The following TMEM132C variants were observed in gnomAD, a reference collection of about 807,000 sequenced individuals.
TMEM132C encodes the protein transmembrane protein 132C, also known as protein phosphatase 1, regulatory subunit 152.
TMEM132C carries 29 observed loss-of-function variants against 61.4 expected under a neutral mutation model. The observed-to-expected ratio is 0.47, with a 90% CI of 0.35 to 0.64. TMEM132C has a LOEUF of 0.64. TMEM132C is among the 30% of genes least tolerant of loss of function. TMEM132C has a pLI of 0.00. For missense variants in TMEM132C, 1,408 were observed against 1,476.9 expected (o/e 0.95, Z 0.76); for synonymous variants, 656 against 633.1 (o/e 1.04, Z -0.54).
chr12:128,451,198 A>G (rs1038744080), intron 2 of TMEM132C, among the ~76,000 whole-genome samples: 12 of 152,358 alleles, frequency 7.9e-5, no homozygotes. Context: ...GAAAAAAAAT[A>G]CAAAAATAAA....
At chr12:128,320,452 A>G (rs535540479) in intron 1 of TMEM132C, among the ~76,000 whole-genome samples, 44 of 152,266 alleles carry the variant, frequency 2.9e-4, no homozygotes, top group African/African-American at 9.9e-4. Flanking sequence ...TTTAAAGTCT[A>G]GTTGACAATA....
chr12:128,665,318 CA>C (rs1467431070), intron 4 of TMEM132C, among the ~76,000 whole-genome samples: 1 of 149,608 alleles, frequency 6.7e-6, no homozygotes, highest in African/African-American at 2.5e-5. Flanking sequence ...CAGGCACACA[CA>C]CACAAATAGG....
intron 5 of TMEM132C, among the ~76,000 whole-genome samples, chr12:128,675,009 A>G (rs1954569883): frequency 6.6e-6 from 1 of 151,736 alleles, no homozygotes; most frequent in African/African-American, 2.4e-5. Flanking sequence ...ACAGTACCCA[A>G]TGTGTAAATG....
At chr12:128,639,165 G>T (rs372952707) in intron 4 of TMEM132C, among the ~76,000 whole-genome samples, 1 of 114,814 alleles carries the variant, frequency 8.7e-6, no homozygotes, top group Admixed American at 8.1e-5. Context: ...GGTGATGGTG[G>T]TGATGGTGAT....
Position 128,459,627 on chromosome 12 carries a change from C to T in TMEM132C, c.974+44007C>T, listed in dbSNP as rs144983909. ...CTCTCTTGGGCCAGGCGCGGTGGCT[C>T]ACACCTGTAATCCCAGCACTTTAGG... On this transcript the variant is annotated intron_variant, in intron 2 of 8. Coordinates refer to ENST00000435159, the MANE Select transcript of TMEM132C (RefSeq NM_001136103.3). Among the ~76,000 whole-genome samples, 667 of 152,114 alleles carry T rather than the reference C, an allele frequency of 4.4e-3. 7 individuals are homozygous for T. The highest frequency in any genetic ancestry group is 0.015 in the African/African-American group (614 of 41,494).
intron 5 of TMEM132C, among the ~76,000 whole-genome samples, chr12:128,682,373 C>T (rs1025657808): frequency 6.6e-6 from 1 of 152,196 alleles, no homozygotes; most frequent in Non-Finnish European, 1.5e-5. Context: ...AGGGGAATAG[C>T]CCATGTCAGC....
At chr12:128,310,501 G>A (rs1206753366) in intron 1 of TMEM132C, among the ~76,000 whole-genome samples, 3 of 151,950 alleles carry the variant, frequency 2.0e-5, no homozygotes, top group African/African-American at 7.3e-5. Context: ...GGGTGGGGGG[G>A]TTTGCCACAC....
At chr12:128,496,946 TC>T (rs1871982716) in intron 2 of TMEM132C, among the ~76,000 whole-genome samples, 1 of 152,354 alleles carries the variant, frequency 6.6e-6, no homozygotes, top group South Asian at 2.1e-4. Flanking sequence ...CTCTGTTTTT[TC>T]CCGATCTTTG....
At chr12:128,454,280 T>C (rs1870272235) in intron 2 of TMEM132C, among the ~76,000 whole-genome samples, 1 of 152,246 alleles carries the variant, frequency 6.6e-6, no homozygotes. Context: ...GTTAATGCTC[T>C]GAATTTTTCA....
In TMEM132C at chr12:128,612,308, G is replaced by A. The variant is rs530149665; in HGVS notation, c.1122-3844G>A. On this transcript the variant is annotated intron_variant, in intron 3 of 8. Coordinates refer to ENST00000435159, the MANE Select transcript of TMEM132C (RefSeq NM_001136103.3). ...TGTTCTAGCCAGGCCCCTGCCCCCA[G>A]TGCACCAGAGAGCTTGCCCTGATGT... Among the ~76,000 whole-genome samples, 340 of 152,262 alleles carry A rather than the reference G, an allele frequency of 2.2e-3. 2 individuals carry two copies. The highest frequency in any genetic ancestry group is 7.9e-3 in the African/African-American group (327 of 41,542).
chr12:128,421,504 C>T (rs1479572051), intron 2 of TMEM132C, among the ~76,000 whole-genome samples: 1 of 152,188 alleles, frequency 6.6e-6, no homozygotes, highest in African/African-American at 2.4e-5. Flanking sequence ...AATGGTTTCA[C>T]TGAGAGGGCC....
chr12:128,672,321 T>C (rs1954540166), intron 5 of TMEM132C, among the ~76,000 whole-genome samples: 1 of 152,108 alleles, frequency 6.6e-6, no homozygotes, highest in Non-Finnish European at 1.5e-5. Context: ...GCCAGAACAC[T>C]TGATGAATGT....
intron 2 of TMEM132C, among the ~76,000 whole-genome samples, chr12:128,515,685 A>T (rs912120161): frequency 6.6e-6 from 1 of 152,174 alleles, no homozygotes; most frequent in African/African-American, 2.4e-5. Context: ...TACAAAAAAA[A>T]TTAGCTGGGC....
chr12:128,420,126 G>A (rs1157699778), intron 2 of TMEM132C, among the ~76,000 whole-genome samples: 1 of 152,184 alleles, frequency 6.6e-6, no homozygotes, highest in Non-Finnish European at 1.5e-5. Context: ...AACCTGGGAG[G>A]TGGAGGTTGC....
At chr12:128,396,486 G>A (rs1713597) in intron 1 of TMEM132C, among the ~76,000 whole-genome samples, 57,061 of 151,604 alleles carry the variant, frequency 0.38, 12,039 homozygotes, top group African/African-American at 0.57. Context: ...ACGGGTTGAT[G>A]GGTGCAGCAA....
chr12:128,525,983 A>G (rs1873072590), intron 2 of TMEM132C, among the ~76,000 whole-genome samples: 1 of 152,244 alleles, frequency 6.6e-6, no homozygotes, highest in Non-Finnish European at 1.5e-5. Context: ...GGAGCAGAAA[A>G]GAGACATGAA....
intron 2 of TMEM132C, among the ~76,000 whole-genome samples, chr12:128,521,388 G>A (rs56716247): frequency 0.036 from 5,404 of 150,798 alleles, 283 homozygotes; most frequent in African/African-American, 0.11. Context: ...ACGTTGGTTT[G>A]CTGCACCCAT....
intron 4 of TMEM132C, among the ~76,000 whole-genome samples, chr12:128,618,014 A>C (rs1356000156): frequency 6.6e-6 from 1 of 152,228 alleles, no homozygotes; most frequent in Non-Finnish European, 1.5e-5. Flanking sequence ...CTACATTTTT[A>C]AATGGTCCTG....
At chr12:128,387,262 A>G (rs1874616079) in intron 1 of TMEM132C, among the ~76,000 whole-genome samples, 1 of 152,132 alleles carries the variant, frequency 6.6e-6, no homozygotes, top group Admixed American at 6.5e-5. Context: ...GCATGTGTGC[A>G]TGCTGTCCTG....
Sources: allele counts gnomAD v4.1 joint callset (sites outside exome capture counted in the v4.1 genomes callset), GRCh38; gene constraint gnomAD v4.1.1; transcripts MANE v1.5; gene names NCBI Gene and HGNC (gene_info 2026-07-23, HGNC 2026-07-21).